Variants in RTL4 observed in about 807,000 individuals in gnomAD.
RTL4 encodes the protein retrotransposon Gag like 4, also known as retrotransposon Gag-like protein 4.
A neutral mutation model predicts 5.3 loss-of-function variants in RTL4; 4 were observed. The ratio of observed to expected loss-of-function variants is 0.75; its 90% CI spans 0.37 to 1.72. The LOEUF is 1.72. RTL4 is among the 40% of genes most tolerant of loss of function. The pLI is 0.04. For missense variants in RTL4, 260 were observed against 227.1 expected, an observed-to-expected ratio of 1.14 and a Z score of -0.93; for synonymous variants, 98 against 87.3, an observed-to-expected ratio of 1.12 and a Z score of -0.68.
At chrX:112,359,177 A>AT in the RTL4 span, among the ~76,000 whole-genome samples, 1 of 111,741 alleles carries the variant, frequency 8.9e-6, no homozygotes, top group Non-Finnish European at 1.9e-5. Context: ...TAGTAGGTGT[A>AT]TATATTTATG....
At chrX:112,431,687 T>C in the RTL4 span, among the ~76,000 whole-genome samples, 6 of 111,324 alleles carry the variant, frequency 5.4e-5, no homozygotes, top group Non-Finnish European at 1.1e-4. Context: ...TTTCAGTTTG[T>C]TTAGCTTTTT....
chrX:112,109,292 C>T, the RTL4 span, among the ~76,000 whole-genome samples: 20 of 111,660 alleles, frequency 1.8e-4, no homozygotes, highest in Middle Eastern at 9.3e-3. Context: ...AGAATGAAGC[C>T]GCAGACCTTT....
At chrX:112,222,851 C>T in the RTL4 span, among the ~76,000 whole-genome samples, 4 of 112,782 alleles carry the variant, frequency 3.5e-5, no homozygotes, top group South Asian at 7.3e-4. Context: ...ATACTGCTGA[C>T]AACTGTCTTG....
At chrX:112,339,328 A>G in the RTL4 span, among the ~76,000 whole-genome samples, 2 of 111,815 alleles carry the variant, frequency 1.8e-5, no homozygotes, top group African/African-American at 6.5e-5. Context: ...TAATAATTAC[A>G]TTAGGGTAAC....
chrX:112,176,202 C>A, the RTL4 span, among the ~76,000 whole-genome samples: 1 of 111,734 alleles, frequency 8.9e-6, no homozygotes, highest in Non-Finnish European at 1.9e-5. Context: ...GAACTACAAA[C>A]CACTGCTCGA....
chrX:112,222,392 T>C, the RTL4 span, among the ~76,000 whole-genome samples: 1 of 111,415 alleles, frequency 9.0e-6, no homozygotes, highest in Non-Finnish European at 1.9e-5. Context: ...CCACAGCCAC[T>C]GGAGCACACT....
chrX:112,366,700 C>A, the RTL4 span, among the ~76,000 whole-genome samples: 1 of 112,186 alleles, frequency 8.9e-6, no homozygotes, highest in Non-Finnish European at 1.9e-5. Flanking sequence ...CCACACTCCA[C>A]AGGTTTGTGC....
At chrX:112,244,284 T>A in the RTL4 span, among the ~76,000 whole-genome samples, 1 of 111,791 alleles carries the variant, frequency 8.9e-6, no homozygotes, top group African/African-American at 3.3e-5. Context: ...CTGTCTAATA[T>A]TGACTGTGGG....
At chrX:112,442,730 A>C in the RTL4 span, among the ~76,000 whole-genome samples, 3 of 111,795 alleles carry the variant, frequency 2.7e-5, no homozygotes, top group African/African-American at 9.8e-5. Flanking sequence ...TCAAAGACAC[A>C]GAAACACAAG....
chrX:112,422,117 ATC>A, the RTL4 span, among the ~76,000 whole-genome samples: 12 of 112,277 alleles, frequency 1.1e-4, no homozygotes, highest in Middle Eastern at 4.6e-3. Context: ...TGTTTTCATA[ATC>A]TCTTTCTCTG....
chrX:112,119,913 T>C, the RTL4 span, among the ~76,000 whole-genome samples: 1 of 112,436 alleles, frequency 8.9e-6, no homozygotes, highest in Admixed American at 9.4e-5. Flanking sequence ...TTAAAATGTT[T>C]GCTACCTTTC....
At chrX:112,101,934 G>A in the RTL4 span, among the ~76,000 whole-genome samples, 4 of 110,562 alleles carry the variant, frequency 3.6e-5, no homozygotes, top group African/African-American at 1.3e-4. Context: ...AAAGATGGAA[G>A]AGGAAAGAAA....
the RTL4 span, among the ~76,000 whole-genome samples, chrX:112,112,453 G>A: frequency 1.5e-4 from 17 of 111,733 alleles, no homozygotes; most frequent in Middle Eastern, 4.6e-3. Context: ...AGGAACCCCC[G>A]CAACTGTTTT....
At chrX:112,359,443 C>T in the RTL4 span, among the ~76,000 whole-genome samples, 1 of 111,636 alleles carries the variant, frequency 9.0e-6, no homozygotes, top group Non-Finnish European at 1.9e-5. Context: ...AACTATCATT[C>T]AGAAATGTTT....
the RTL4 span, among the ~76,000 whole-genome samples, chrX:112,448,675 T>TCCCATC: frequency 9.0e-6 from 1 of 111,442 alleles, no homozygotes; most frequent in African/African-American, 3.3e-5. Flanking sequence ...GAGAGACTCG[T>TCCCATC]CCCATCCCCA....
chrX:112,244,023 T>A, the RTL4 span, among the ~76,000 whole-genome samples: 2 of 112,360 alleles, frequency 1.8e-5, no homozygotes, highest in Non-Finnish European at 3.8e-5. Context: ...AATTTCTTAA[T>A]CCTGAGGTCT....
chrX:112,312,597 C>T, the RTL4 span, among the ~76,000 whole-genome samples: 1 of 111,306 alleles, frequency 9.0e-6, no homozygotes, highest in Non-Finnish European at 1.9e-5. Context: ...CTCATGGCCC[C>T]ATGTCTCACA....
chrX:112,140,904 A>G, the RTL4 span, among the ~76,000 whole-genome samples: 1 of 112,510 alleles, frequency 8.9e-6, no homozygotes, highest in Non-Finnish European at 1.9e-5. Context: ...ATAATACAGA[A>G]TAGCTGTAGC....
the RTL4 span, among the ~76,000 whole-genome samples, chrX:112,362,839 G>T: frequency 9.0e-6 from 1 of 110,902 alleles, no homozygotes; most frequent in East Asian, 2.9e-4. Context: ...GAAAGTTCAT[G>T]CCCTAGGAAA....
Sources: allele counts gnomAD v4.1 joint callset (sites outside exome capture counted in the v4.1 genomes callset), GRCh38; gene constraint gnomAD v4.1.1; transcripts MANE v1.5; gene names NCBI Gene and HGNC (gene_info 2026-07-23, HGNC 2026-07-21).